RAB33A: variants seen among roughly 807,000 people sequenced by gnomAD.
The protein encoded by RAB33A is RAB33A, member RAS oncogene family, also known as ras-related protein Rab-33A.
A neutral mutation model predicts 12.0 loss-of-function variants in RAB33A; 6 were observed. The ratio of observed to expected loss-of-function variants is 0.50; its 90% CI spans 0.27 to 0.99. The LOEUF is 0.99. RAB33A is among the 50% of genes least tolerant of loss of function. RAB33A has a pLI of 0.11. For missense variants in RAB33A, 109 were observed against 192.0 expected, an observed-to-expected ratio of 0.57 and a Z score of 2.55; for synonymous variants, 70 against 82.4, an observed-to-expected ratio of 0.85 and a Z score of 0.81.
chrX:130,132,890 G>A, the RAB33A span, among the ~76,000 whole-genome samples: 1 of 110,371 alleles, frequency 9.1e-6, no homozygotes, highest in Admixed American at 9.6e-5. Context: ...GGGATTACAG[G>A]CATGCACCAC....
At chrX:130,153,089 T>G in the RAB33A span, among the ~76,000 whole-genome samples, 17 of 107,775 alleles carry the variant, frequency 1.6e-4, no homozygotes, top group South Asian at 6.7e-3. Context: ...TCCCAGCACT[T>G]TGGGAGGCCG....
At chrX:130,165,172 G>A in the RAB33A span, among the ~76,000 whole-genome samples, 1 of 103,789 alleles carries the variant, frequency 9.6e-6, no homozygotes, top group Non-Finnish European at 1.9e-5. Context: ...CTTAGGCGTA[G>A]GGCTTAAACG....
chrX:130,149,232 T>G, the RAB33A span, among the ~76,000 whole-genome samples: 8 of 111,936 alleles, frequency 7.1e-5, no homozygotes, highest in African/African-American at 2.6e-4. Flanking sequence ...AAGAGACTAA[T>G]ATTAATATAC....
chrX:130,119,082 G>C, the RAB33A span, among the ~76,000 whole-genome samples: 1 of 111,522 alleles, frequency 9.0e-6, no homozygotes, highest in Non-Finnish European at 1.9e-5. Flanking sequence ...CCAGGGACGG[G>C]AGAGGGGCTG....
the RAB33A span, among the ~76,000 whole-genome samples, chrX:130,148,385 T>C: frequency 1.8e-5 from 2 of 111,310 alleles, no homozygotes; most frequent in South Asian, 3.8e-4. Flanking sequence ...TATTAAAGGA[T>C]TAAAACAGTC....
At chrX:130,160,290 C>T in the RAB33A span, among the ~76,000 whole-genome samples, 1 of 111,731 alleles carries the variant, frequency 9.0e-6, no homozygotes, top group Non-Finnish European at 1.9e-5. Flanking sequence ...AATATTACAT[C>T]GTGACTGAAA....
At chrX:130,119,411 G>A in the RAB33A span, among the ~76,000 whole-genome samples, 4 of 112,365 alleles carry the variant, frequency 3.6e-5, no homozygotes, top group Admixed American at 3.8e-4. Context: ...AGGGGGGCTT[G>A]GGGAAGAGCT....
chrX:130,119,989 TCAA>T, the RAB33A span, among the ~76,000 whole-genome samples: 1 of 111,867 alleles, frequency 8.9e-6, no homozygotes, highest in East Asian at 2.8e-4. Context: ...GTTGGAGCCC[TCAA>T]CAACTTTTCC....
the RAB33A span, among the ~76,000 whole-genome samples, chrX:130,120,651 G>T: frequency 2.7e-5 from 3 of 112,492 alleles, no homozygotes; most frequent in South Asian, 1.1e-3. Context: ...ACCAGCCCCC[G>T]ACCTGGGGCG....
chrX:130,158,704 T>TAAAAAAAAAAAAAAAAAA, the RAB33A span, among the ~76,000 whole-genome samples: 1 of 44,078 alleles, frequency 2.3e-5, no homozygotes, highest in African/African-American at 8.9e-5. Context: ...GCTGATGAGC[T>TAAAAAAAAAAAAAAAAAA]AAAAAAAAAA....
At chrX:130,144,113 A>G in the RAB33A span, among the ~76,000 whole-genome samples, 1 of 112,415 alleles carries the variant, frequency 8.9e-6, no homozygotes, top group Admixed American at 9.4e-5. Flanking sequence ...TAAAGCATTT[A>G]AGAACTGTGC....
chrX:130,137,367 C>T, the RAB33A span: 19 of 1,152,739 alleles, frequency 1.6e-5, no homozygotes, highest in Admixed American at 2.7e-5. Flanking sequence ...TCATTTGTAA[C>T]GCAAATACAA....
At chrX:130,176,823 C>G (rs1387822192) in intron 1 of RAB33A, among the ~76,000 whole-genome samples, 1 of 111,943 alleles carries the variant, frequency 8.9e-6, no homozygotes, top group Non-Finnish European at 1.9e-5. Flanking sequence ...TTCTTTTAAA[C>G]TTTTCCCATC....
At chrX:130,163,019 G>A in the RAB33A span, among the ~76,000 whole-genome samples, 2 of 111,675 alleles carry the variant, frequency 1.8e-5, no homozygotes, top group East Asian at 2.8e-4. Flanking sequence ...TGACAATGGT[G>A]ACAGATGTCA....
chrX:130,113,720 G>C, the RAB33A span, among the ~76,000 whole-genome samples: 25 of 111,732 alleles, frequency 2.2e-4, no homozygotes, highest in African/African-American at 8.1e-4. Flanking sequence ...CACCGCGCCT[G>C]GCCCTAGTTA....
chrX:130,155,396 T>TA, the RAB33A span: 1 of 964,898 alleles, frequency 1.0e-6, no homozygotes, highest in Non-Finnish European at 1.4e-6. Context: ...TACCCTGTGC[T>TA]AAAAAAGGAA....
chrX:130,139,598 T>C, the RAB33A span, among the ~76,000 whole-genome samples: 2 of 110,948 alleles, frequency 1.8e-5, no homozygotes, highest in African/African-American at 6.6e-5. Context: ...ATTTTTTCCC[T>C]AGGAGCTTAA....
At chrX:130,183,448 G>C (rs956683620) in intron 1 of RAB33A, among the ~76,000 whole-genome samples, 3 of 108,769 alleles carry the variant, frequency 2.8e-5, no homozygotes, top group Non-Finnish European at 5.7e-5. Context: ...CCAGCTACTT[G>C]GGAGGCTGAG....
chrX:130,171,797 C>G (rs2031609349), upstream of RAB33A: 1 of 380,201 alleles, frequency 2.6e-6, no homozygotes, highest in Non-Finnish European at 4.5e-6. Flanking sequence ...TCCTCCCTCT[C>G]TCCTCCTCTC....
Sources: allele counts gnomAD v4.1 joint callset (sites outside exome capture counted in the v4.1 genomes callset), GRCh38; gene constraint gnomAD v4.1.1; transcripts MANE v1.5; gene names NCBI Gene and HGNC (gene_info 2026-07-23, HGNC 2026-07-21).